DNAH9: variants seen among roughly 807,000 people sequenced by gnomAD.
DNAH9 encodes the protein DNAH9 variant protein.
In DNAH9, 345 loss-of-function variants were observed where a neutral mutation model predicts 471.6. The observed-to-expected ratio is 0.73, with a 90% CI of 0.67 to 0.80. The LOEUF is 0.80. Among genes scored for constraint, DNAH9 ranks in the 30% least tolerant of loss-of-function variants. The pLI, the probability that DNAH9 is intolerant of heterozygous loss-of-function variation, is 0.00. For synonymous variants in DNAH9, 2,093 were observed against 2,123.6 expected (o/e 0.99, Z 0.40); for missense variants, 5,407 against 5,609.2 (o/e 0.96, Z 1.15).
At chr17:11,654,569 A>T (rs1447989857) in intron 14 of DNAH9, among the ~76,000 whole-genome samples, 1 of 152,002 alleles carries the variant, frequency 6.6e-6, no homozygotes, top group African/African-American at 2.4e-5. Context: ...CATTTTAATT[A>T]TCCAGGGGTC....
rs191890874 is a variant in DNAH9 at position 11,816,652 on chromosome 17, A to G, written c.8708-5268A>G. On this transcript the variant is annotated intron_variant, in intron 45 of 68. Coordinates refer to ENST00000262442, the MANE Select transcript of DNAH9 (RefSeq NM_001372.4). ...TCTAGCCCTTAGCTTCACCCTTTTT[A>G]TCACCAAAGTCCAACTAACTAAACC... Among the ~76,000 whole-genome samples the G allele has an allele frequency of 8.5e-5, 13 of 152,282 alleles. No homozygotes were observed. In the East Asian group the frequency reaches 1.9e-3, roughly 23 times the overall value.
chr17:11,877,270 C>T (rs1342057759), intron 53 of DNAH9, among the ~76,000 whole-genome samples: 13 of 151,190 alleles, frequency 8.6e-5, no homozygotes, highest in Admixed American at 5.3e-4. Context: ...GTCAGGAGTT[C>T]AAGATCAGCC....
intron 56 of DNAH9, among the ~76,000 whole-genome samples, chr17:11,886,286 T>G (rs1972873751): frequency 6.6e-6 from 1 of 152,162 alleles, no homozygotes; most frequent in African/African-American, 2.4e-5. Flanking sequence ...ATCGTGCCAT[T>G]GGACTCCAGC....
rs897519183 is a variant in DNAH9 at position 11,742,030 on chromosome 17, G to T, written c.5973-145G>T. 4.4e-6 allele frequency: 3 copies of T among 677,344 alleles called. No individual in the cohort carries two copies. In the African/African-American group the frequency reaches 5.4e-5, roughly 12 times the overall value. 42.0% of individuals were successfully genotyped at this position (677,344 alleles called of 1,614,324 possible). On this transcript the variant is annotated intron_variant, in intron 29 of 68. Coordinates refer to ENST00000262442, the MANE Select transcript of DNAH9 (RefSeq NM_001372.4). ...ATAGAATAAATTGAAAGTCTTAGAT[G>T]AAATAATGGCTCAGGTCTTTCCATG...
In DNAH9 at chr17:11,626,120, C is replaced by G. The variant is rs1305827873; in HGVS notation, c.1351-3297C>G. ...TTGTTCTGGCCCTAGATCCTAGGCT[C>G]TTTCCACAATGCCATATGTTGTGTC... On this transcript the variant is annotated intron_variant, in intron 6 of 68. Coordinates refer to ENST00000262442, the MANE Select transcript of DNAH9 (RefSeq NM_001372.4). This position sits in a 1 kb window ranked among gnomAD's most constrained non-coding sequence, Gnocchi z 4.3. 1.3e-5 allele frequency among the ~76,000 whole-genome samples: 2 copies of G among 152,132 alleles called. No homozygotes were observed. Among genetic ancestry groups the G allele is most frequent in the Admixed American group, 6.5e-5 (1 of 15,274 alleles).
chr17:11,641,025 T>A (rs913737019), intron 10 of DNAH9, among the ~76,000 whole-genome samples: 3 of 152,136 alleles, frequency 2.0e-5, no homozygotes, highest in African/African-American at 7.2e-5. Flanking sequence ...AGGCAGTCTT[T>A]CTCTGATACC....
chr17:11,709,427 A>G (rs1242764996), intron 26 of DNAH9, among the ~76,000 whole-genome samples: 1 of 152,206 alleles, frequency 6.6e-6, no homozygotes, highest in Non-Finnish European at 1.5e-5. Flanking sequence ...AACATAGAAA[A>G]TCACATTTTA....
chr17:11,705,428 A>G (rs565486533), intron 26 of DNAH9: 1 of 460,592 alleles, frequency 2.2e-6, no homozygotes, highest in South Asian at 3.6e-5. Flanking sequence ...ATGGTCATAC[A>G]CACCCGAGTT....
At chr17:11,603,892 A>G (rs952581274) in intron 1 of DNAH9, among the ~76,000 whole-genome samples, 25 of 152,132 alleles carry the variant, frequency 1.6e-4, no homozygotes, top group African/African-American at 5.3e-4. Flanking sequence ...ACCTGAGAGC[A>G]GCGTTTGTCA....
At chr17:11,732,390 C>A (rs942989128) in intron 28 of DNAH9, among the ~76,000 whole-genome samples, 1 of 152,050 alleles carries the variant, frequency 6.6e-6, no homozygotes, top group Non-Finnish European at 1.5e-5. Context: ...GAGAAAATTG[C>A]ACCTAATTAT....
intron 49 of DNAH9, among the ~76,000 whole-genome samples, chr17:11,842,727 C>A (rs190121242): frequency 6.6e-6 from 1 of 152,282 alleles, no homozygotes; most frequent in Admixed American, 6.5e-5. Flanking sequence ...GTCAGCTTCT[C>A]CCACCTTCTC....
intron 45 of DNAH9, among the ~76,000 whole-genome samples, chr17:11,820,035 A>G (rs1427874961): frequency 6.6e-6 from 1 of 152,138 alleles, no homozygotes. Context: ...TTGAAAGAGA[A>G]TATTTTAGTA....
At chr17:11,709,055 G>T (rs1192203776) in intron 26 of DNAH9, among the ~76,000 whole-genome samples, 1 of 152,140 alleles carries the variant, frequency 6.6e-6, no homozygotes, top group Non-Finnish European at 1.5e-5. Context: ...TACAAGATTT[G>T]TCTTTTCCCT....
chr17:11,759,328 C>T (rs946284512), intron 35 of DNAH9, among the ~76,000 whole-genome samples: 13 of 151,978 alleles, frequency 8.6e-5, no homozygotes, highest in African/African-American at 2.9e-4. Context: ...TCTATATTTC[C>T]ATATATACCT....
chr17:11,700,488 C>T (rs1393922064), intron 23 of DNAH9, among the ~76,000 whole-genome samples: 2 of 152,100 alleles, frequency 1.3e-5, no homozygotes, highest in South Asian at 2.1e-4. Context: ...TTAGCACCAC[C>T]GATAAATATA....
chr17:11,681,528 G>A (rs576835878), intron 19 of DNAH9, among the ~76,000 whole-genome samples: 1 of 152,282 alleles, frequency 6.6e-6, no homozygotes, highest in South Asian at 2.1e-4. Flanking sequence ...CCAACCAGGA[G>A]GCCAAGCTGG....
chr17:11,830,868 G>A (rs954613526), intron 48 of DNAH9, among the ~76,000 whole-genome samples: 4 of 152,166 alleles, frequency 2.6e-5, no homozygotes, highest in Admixed American at 6.5e-5. Context: ...GGATACTCTC[G>A]TTGGCCAAGG....
In DNAH9 at chr17:11,968,867, A is replaced by G. The variant is rs554323285; in HGVS notation, c.13234-433A>G. ...TGGAGGAAGTTGCATATGAAATAGA[A>G]AAGAAACAGAAACAGGACATAACAA... On this transcript the variant is annotated intron_variant, in intron 68 of 68. Coordinates refer to ENST00000262442, the MANE Select transcript of DNAH9 (RefSeq NM_001372.4). Among the ~76,000 whole-genome samples, 4 of 152,380 alleles carry G rather than the reference A, an allele frequency of 2.6e-5. No individual in the cohort carries two copies. The East Asian group carries it at 7.7e-4, about 29-fold the overall frequency.
Position 11,768,465 on chromosome 17 carries a change from C to T in DNAH9, c.7183C>T (p.Arg2395Trp), listed in dbSNP as rs760224758. The change falls in exon 37 of 69, where the codon CGG becomes TGG. Residue 2395 changes from arginine (R) to tryptophan (W), a missense_variant. Around this residue, in one of 3 missense-constraint regions of DNAH9, gnomAD observed 4,636 missense variants for 4,900.3 expected, o/e 0.95. Coordinates refer to ENST00000262442, the MANE Select transcript of DNAH9 (RefSeq NM_001372.4). ...AMVQDQLVDY[R>W]AEFSKWWLTE... ...TTTGTTTTTGCAGCTTGTGGACTAC[C>T]GGGCAGAGTTCAGCAAATGGTGGCT... The T allele has an allele frequency of 1.8e-5, 29 of 1,613,610 alleles. No homozygotes were observed. Among genetic ancestry groups the T allele is most frequent in the Middle Eastern group, 1.6e-4 (1 of 6,080 alleles).
Sources: allele counts gnomAD v4.1 joint callset (sites outside exome capture counted in the v4.1 genomes callset), GRCh38; gene constraint gnomAD v4.1.1; regional missense constraint gnomAD v4.1.1; non-coding constraint Gnocchi (gnomAD v3.1); transcripts MANE v1.5; gene names NCBI Gene and HGNC (gene_info 2026-07-23, HGNC 2026-07-21).